The following ADCY2 variants were observed in gnomAD, a reference collection of about 807,000 sequenced individuals.
The protein encoded by ADCY2 is adenylate cyclase type 2.
In ADCY2, 31 loss-of-function variants were observed where a neutral mutation model predicts 125.2. That is an observed-to-expected ratio of 0.25 (90% CI 0.19 to 0.33). The LOEUF is 0.33. Ranked by LOEUF, ADCY2 falls within the 10% of genes least tolerant of loss-of-function variation. The pLI is 1.00. For missense variants in ADCY2, 904 were observed against 1,418.2 expected, an observed-to-expected ratio of 0.64 and a Z score of 5.82; for synonymous variants, 512 against 548.4, an observed-to-expected ratio of 0.93 and a Z score of 0.93.
chr5:7,493,578 G>T (rs1020179829), intron 2 of ADCY2, among the ~76,000 whole-genome samples: 2 of 152,152 alleles, frequency 1.3e-5, no homozygotes, highest in African/African-American at 4.8e-5. Context: ...GGGTTAGAGG[G>T]GGATCCCTTC....
chr5:7,770,241 T>TA (rs1743513788), intron 17 of ADCY2, among the ~76,000 whole-genome samples: 3 of 152,204 alleles, frequency 2.0e-5, no homozygotes. Flanking sequence ...ATGTGAAACC[T>TA]TAGCATATTT....
At chr5:7,722,214 AG>A (rs919486544) in intron 12 of ADCY2, among the ~76,000 whole-genome samples, 2 of 152,128 alleles carry the variant, frequency 1.3e-5, no homozygotes, top group Admixed American at 1.3e-4. Flanking sequence ...TGGGGACTTA[AG>A]GCAAGGAAGC....
At chr5:7,711,297 A>G (rs555377036) in intron 10 of ADCY2, among the ~76,000 whole-genome samples, 29 of 152,344 alleles carry the variant, frequency 1.9e-4, no homozygotes, top group Admixed American at 9.8e-4. Context: ...TCCAGTATCC[A>G]ACCAGTGAAA....
intron 3 of ADCY2, 70 bp from the exon 4 acceptor site, chr5:7,626,097 C>T: frequency 6.6e-7 from 1 of 1,509,912 alleles, no homozygotes; most frequent in Non-Finnish European, 9.0e-7. Flanking sequence ...TGCTAATGTG[C>T]ACTTTGTTTT....
intron 15 of ADCY2, among the ~76,000 whole-genome samples, chr5:7,746,756 T>C (rs1012846702): frequency 6.6e-6 from 1 of 152,248 alleles, no homozygotes; most frequent in Non-Finnish European, 1.5e-5. Flanking sequence ...ATTTGTGCTC[T>C]AATACCAGCT....
chr5:7,636,358 G>A (rs369916579), intron 4 of ADCY2, among the ~76,000 whole-genome samples: 21 of 152,164 alleles, frequency 1.4e-4, no homozygotes, highest in Non-Finnish European at 2.6e-4. Flanking sequence ...GTTTCTAATC[G>A]GTGGGTTTAG....
Position 7,665,742 on chromosome 5 carries a change from C to G in ADCY2, c.721-24949C>G, listed in dbSNP as rs570274706. 8.6e-5 allele frequency among the ~76,000 whole-genome samples: 13 copies of G among 151,744 alleles called. No individual in the cohort carries two copies. In the East Asian group the frequency reaches 2.5e-3, roughly 29 times the overall value. On this transcript the variant is annotated intron_variant, in intron 4 of 24. Coordinates refer to ENST00000338316, the MANE Select transcript of ADCY2 (RefSeq NM_020546.3). ...CTTTTTCCTTGTATTTCAGCTGCTG[C>G]CCGGCCACATCTCTATCTCTCTGAT...
chr5:7,596,341 C>G (rs1041437934), intron 3 of ADCY2, among the ~76,000 whole-genome samples: 2 of 151,990 alleles, frequency 1.3e-5, no homozygotes, highest in Admixed American at 1.3e-4. Context: ...CAGGTCCACA[C>G]GAATAAGTAT....
intron 2 of ADCY2, among the ~76,000 whole-genome samples, chr5:7,415,723 A>T (rs1024903159): frequency 1.1e-4 from 16 of 151,896 alleles, no homozygotes; most frequent in Non-Finnish European, 2.1e-4. Context: ...TCCTGAGGAG[A>T]GTGTTGTCTA....
At chr5:7,738,216 T>C (rs1051802941) in intron 14 of ADCY2, among the ~76,000 whole-genome samples, 1 of 152,098 alleles carries the variant, frequency 6.6e-6, no homozygotes, top group Non-Finnish European at 1.5e-5. Flanking sequence ...TACTGAGAAT[T>C]CTTATGAGAA....
intron 2 of ADCY2, among the ~76,000 whole-genome samples, chr5:7,451,159 A>G (rs1299968897): frequency 6.6e-6 from 1 of 152,228 alleles, no homozygotes; most frequent in Non-Finnish European, 1.5e-5. Flanking sequence ...AATACATTTT[A>G]TAAGGCTATA....
chr5:7,514,479 T>C (rs898549817), intron 2 of ADCY2, among the ~76,000 whole-genome samples: 1 of 152,220 alleles, frequency 6.6e-6, no homozygotes, highest in Admixed American at 6.5e-5. Flanking sequence ...GGATGTGAAG[T>C]GGGCAGAAAA....
intron 2 of ADCY2, among the ~76,000 whole-genome samples, chr5:7,465,099 C>T (rs566993324): frequency 2.0e-4 from 30 of 152,246 alleles, no homozygotes; most frequent in African/African-American, 7.2e-4. Flanking sequence ...GGGAACCACC[C>T]CCATGATTCA....
At chr5:7,814,378 A>C (rs1489963584) in intron 22 of ADCY2, among the ~76,000 whole-genome samples, 1 of 150,306 alleles carries the variant, frequency 6.7e-6, no homozygotes, top group Non-Finnish European at 1.5e-5. Flanking sequence ...CAATGGAGAC[A>C]TTTCTGGTTG....
chr5:7,437,785 TG>T (rs11335469), intron 2 of ADCY2, among the ~76,000 whole-genome samples: 2,592 of 152,336 alleles, frequency 0.017, 76 homozygotes, highest in African/African-American at 0.058. Flanking sequence ...ATTAGCACTT[TG>T]AACAGTATTT....
intron 4 of ADCY2, among the ~76,000 whole-genome samples, chr5:7,644,517 G>A (rs919432010): frequency 2.6e-5 from 4 of 152,014 alleles, no homozygotes; most frequent in African/African-American, 4.8e-5. Flanking sequence ...TACATTTTTA[G>A]TCACCCTGTC....
chr5:7,710,846 G>A (rs982399075), intron 10 of ADCY2, among the ~76,000 whole-genome samples: 1 of 152,150 alleles, frequency 6.6e-6, no homozygotes. Flanking sequence ...TGGAAGCAAC[G>A]AGAAGCAAAT....
intron 16 of ADCY2, among the ~76,000 whole-genome samples, chr5:7,760,762 G>C (rs192823631): frequency 6.6e-6 from 1 of 152,106 alleles, no homozygotes; most frequent in Non-Finnish European, 1.5e-5. Context: ...TGTGTGATTA[G>C]AGCACCTAAA....
chr5:7,616,885 T>C (rs1191617763), intron 3 of ADCY2, among the ~76,000 whole-genome samples: 1 of 152,114 alleles, frequency 6.6e-6, no homozygotes, highest in East Asian at 1.9e-4. Flanking sequence ...GACTGGTGTC[T>C]CTATAAGAAG....
Sources: gnomAD v4.1 joint callset for allele counts (sites outside exome capture counted in the v4.1 genomes callset) on GRCh38, gnomAD v4.1.1 for gene constraint, MANE v1.5 for transcripts, NCBI Gene and HGNC (gene_info 2026-07-23, HGNC 2026-07-21) for gene names.